METAP1: variants seen among roughly 807,000 people sequenced by gnomAD.
METAP1 encodes the protein methionyl aminopeptidase 1.
METAP1 carries 28 observed loss-of-function variants against 53.8 expected under a neutral mutation model. That is an observed-to-expected ratio of 0.52 (90% CI 0.39 to 0.71). The LOEUF is 0.71. METAP1 is among the 30% of genes least tolerant of loss of function. The pLI, the probability that METAP1 is intolerant of heterozygous loss-of-function variation, is 0.00. For synonymous variants in METAP1, 181 were observed against 165.7 expected, an observed-to-expected ratio of 1.09 and a Z score of -0.71; for missense variants, 389 against 479.8, an observed-to-expected ratio of 0.81 and a Z score of 1.77.
Position 99,061,193 on chromosome 4 carries a change from C to A in METAP1, c.1037C>A (p.Ala346Glu). The change falls in exon 11 of 11, where the codon GCG becomes GAG. Residue 346 changes from alanine to glutamate, a missense_variant. Ala to Glu is a moderately radical substitution (Grantham distance 107). Transcript: ENST00000296411. ...GAAACCTGGCCAGATGGTTGGACTG[C>A]GGTGACAAGAGACGGAAAGCGGTCT... ...QDETWPDGWT[A>E]VTRDGKRSAQ... is the part of the protein sequence containing the mutation. 6.2e-7 allele frequency: 1 copy of A among 1,613,514 alleles called. No individual in the cohort carries two copies. The highest frequency in any genetic ancestry group is 8.5e-7 in the Non-Finnish European group (1 of 1,179,682).
chr4:98,998,384 G>T (rs1321198565), intron 1 of METAP1, among the ~76,000 whole-genome samples: 1 of 151,996 alleles, frequency 6.6e-6, no homozygotes, highest in Non-Finnish European at 1.5e-5. Context: ...TTAGCTGGGC[G>T]TGGTGGCACA....
At chr4:99,011,612 A>G (rs1369394370) in intron 1 of METAP1, among the ~76,000 whole-genome samples, 1 of 152,158 alleles carries the variant, frequency 6.6e-6, no homozygotes, top group Non-Finnish European at 1.5e-5. Flanking sequence ...TTTAGTCTTT[A>G]TCTGGCTTTG....
chr4:98,996,112 T>C (rs973996809), intron 1 of METAP1, among the ~76,000 whole-genome samples: 1 of 152,116 alleles, frequency 6.6e-6, no homozygotes. Flanking sequence ...CCATGTGGGC[T>C]GGGGCGGAAG....
chr4:99,055,914 AG>A (rs1179029251), intron 9 of METAP1, among the ~76,000 whole-genome samples: 3 of 152,246 alleles, frequency 2.0e-5, no homozygotes, highest in Non-Finnish European at 4.4e-5. Context: ...AGAAATTAAA[AG>A]TCAAATGTTT....
intron 1 of METAP1, chr4:99,023,075 C>T: frequency 7.6e-7 from 1 of 1,316,324 alleles, no homozygotes; most frequent in Non-Finnish European, 1.0e-6. Context: ...AGTGTCTGGT[C>T]TGTCCCTTCC....
chr4:99,038,747 T>G (rs1725620972), intron 4 of METAP1, among the ~76,000 whole-genome samples: 1 of 152,148 alleles, frequency 6.6e-6, no homozygotes, highest in South Asian at 2.1e-4. Flanking sequence ...CTTTTTTGAG[T>G]ATGACTCAGA....
At chr4:99,052,499 A>G (rs953231164) in intron 9 of METAP1, among the ~76,000 whole-genome samples, 3 of 152,220 alleles carry the variant, frequency 2.0e-5, no homozygotes, top group Non-Finnish European at 1.5e-5. Flanking sequence ...AGTGTCTCAC[A>G]TGGTGGGAGC....
chr4:99,004,468 C>CACACAT (rs1723076145), intron 1 of METAP1, among the ~76,000 whole-genome samples: 1 of 19,958 alleles, frequency 5.0e-5, no homozygotes, highest in Non-Finnish European at 1.2e-4. Context: ...CACACACACA[C>CACACAT]ACACACACAC....
chr4:99,013,040 G>A (rs970566698), intron 1 of METAP1, among the ~76,000 whole-genome samples: 1 of 152,252 alleles, frequency 6.6e-6, no homozygotes, highest in Admixed American at 6.5e-5. Flanking sequence ...TATGCATCCC[G>A]TAAGTTTTGC....
At chr4:99,005,764 T>G in intron 1 of METAP1, 1 of 432,848 alleles carries the variant, frequency 2.3e-6, no homozygotes, top group South Asian at 1.7e-5. Context: ...TAATATCTTT[T>G]GCAGCAACGT....
chr4:99,057,940 C>G (rs906497046), intron 10 of METAP1, 122 bp downstream of exon 10: 1 of 775,218 alleles, frequency 1.3e-6, no homozygotes, highest in Non-Finnish European at 2.1e-6. Flanking sequence ...CCTGTCCCAC[C>G]TCAAACTTGA....
intron 1 of METAP1, among the ~76,000 whole-genome samples, chr4:99,020,881 A>G (rs1021685115): frequency 4.6e-5 from 7 of 152,248 alleles, no homozygotes; most frequent in African/African-American, 1.4e-4. Context: ...TTTTCTTTCC[A>G]GTGTGTAAGC....
chr4:99,031,101 G>GTTTTTTTTTTTTTTT (rs56082818), intron 2 of METAP1, among the ~76,000 whole-genome samples: 13 of 109,908 alleles, frequency 1.2e-4, no homozygotes, highest in Non-Finnish European at 1.4e-4. Context: ...CTCAAAGGTA[G>GTTTTTTTTTTTTTTT]TTTTTTTTTT....
chr4:99,053,442 G>A (rs568799498), intron 9 of METAP1, among the ~76,000 whole-genome samples: 1 of 152,226 alleles, frequency 6.6e-6, no homozygotes, highest in Non-Finnish European at 1.5e-5. Flanking sequence ...TAGTAGAAAT[G>A]GGATTTTACT....
intron 1 of METAP1, among the ~76,000 whole-genome samples, chr4:99,005,304 A>G (rs575572711): frequency 6.6e-6 from 1 of 152,318 alleles, no homozygotes; most frequent in East Asian, 1.9e-4. Context: ...AAATCAAATA[A>G]TCTCATCAAA....
At chr4:99,051,311 CAT>C (rs1726682860) in intron 9 of METAP1, among the ~76,000 whole-genome samples, 1 of 152,102 alleles carries the variant, frequency 6.6e-6, no homozygotes. Flanking sequence ...CAAAAGGTGT[CAT>C]GTGAGTTTCC....
At position 99,022,914 on chromosome 4, in the gene METAP1, T is replaced by A. The variant is rs549762514; in HGVS notation, c.115-5953T>A. The stretch of plus-strand genomic sequence containing the variant: ...CCAGTCCTCAGCCTGAAAGAACGCA[T>A]CTGACCTCACCATAGGCACTGAGAA... On this transcript the variant is annotated intron_variant, in intron 1 of 10. Transcript: ENST00000296411. The A allele has an allele frequency of 2.0e-6, 3 of 1,503,864 alleles. No individual in the cohort carries two copies. The Admixed American group carries it at 5.8e-5, about 29-fold the overall frequency. The allele number at this position is 1,503,864 out of a possible 1,614,324, so 93.2% of individuals were successfully genotyped here.
chr4:99,049,695 G>A (rs1285932558), intron 9 of METAP1, among the ~76,000 whole-genome samples: 1 of 152,078 alleles, frequency 6.6e-6, no homozygotes, highest in Non-Finnish European at 1.5e-5. Context: ...CATATATTTT[G>A]AGCCGCTGCT....
At chr4:99,032,658 C>A (rs369796135) in intron 2 of METAP1, among the ~76,000 whole-genome samples, 1 of 152,144 alleles carries the variant, frequency 6.6e-6, no homozygotes, top group East Asian at 1.9e-4. Flanking sequence ...AAAAAGCCTG[C>A]GTCTTGATTG....
Sources: allele counts gnomAD v4.1 joint callset (sites outside exome capture counted in the v4.1 genomes callset), GRCh38; gene constraint gnomAD v4.1.1; transcripts MANE v1.5; gene names NCBI Gene and HGNC (gene_info 2026-07-23, HGNC 2026-07-21).